Variants in MNAT1 observed in about 807,000 individuals in gnomAD.
The protein encoded by MNAT1 is MNAT1 component of CDK activating kinase.
In MNAT1, 43 loss-of-function variants were observed where a neutral mutation model predicts 42.0. The ratio of observed to expected loss-of-function variants is 1.02; its 90% confidence interval spans 0.80 to 1.32. The LOEUF (loss-of-function observed/expected upper bound fraction) is 1.32, where lower values mean the gene tolerates loss of function less well. Ranked by LOEUF, MNAT1 falls within the 40% of genes most tolerant of loss-of-function variation. The pLI, the probability that MNAT1 is intolerant of heterozygous loss-of-function variation, is 0.00. For missense variants in MNAT1, 306 were observed against 350.4 expected (o/e 0.87, Z 1.01); for synonymous variants, 118 against 120.0 (o/e 0.98, Z 0.11).
chr14:60,817,450 G>C (rs140938656), intron 5 of MNAT1, among the ~76,000 whole-genome samples: 399 of 151,848 alleles, frequency 2.6e-3, no homozygotes, highest in African/African-American at 9.1e-3. Flanking sequence ...AATAAAATTT[G>C]TGTTCTTCCA....
At chr14:60,966,511 T>C (rs983924637) in intron 7 of MNAT1, among the ~76,000 whole-genome samples, 1 of 151,786 alleles carries the variant, frequency 6.6e-6, no homozygotes, top group Admixed American at 6.6e-5. Context: ...TATTAAAACA[T>C]TCATTCATTA....
intron 7 of MNAT1, among the ~76,000 whole-genome samples, chr14:60,882,459 A>G (rs2034573104): frequency 6.6e-6 from 1 of 152,186 alleles, no homozygotes; most frequent in Non-Finnish European, 1.5e-5. Context: ...TATATGTACC[A>G]CATTTTCTTT....
At chr14:60,884,582 A>T (rs1044204467) in intron 7 of MNAT1, among the ~76,000 whole-genome samples, 2 of 152,138 alleles carry the variant, frequency 1.3e-5, no homozygotes, top group Non-Finnish European at 2.9e-5. Flanking sequence ...AATCAAAACT[A>T]GTAAAAACTC....
intron 1 of MNAT1, among the ~76,000 whole-genome samples, chr14:60,778,457 C>T (rs1163602489): frequency 6.6e-6 from 1 of 152,144 alleles, no homozygotes; most frequent in African/African-American, 2.4e-5. Context: ...CTGTACCTTC[C>T]CTCACCTTGG....
chr14:60,849,797 G>A (rs958951017), intron 6 of MNAT1, among the ~76,000 whole-genome samples: 7 of 151,706 alleles, frequency 4.6e-5, no homozygotes, highest in East Asian at 1.9e-4. Context: ...TTTTTTCTTC[G>A]GTAGGAGGTC....
intron 7 of MNAT1, among the ~76,000 whole-genome samples, chr14:60,958,252 A>C (rs1283450499): frequency 6.6e-6 from 1 of 152,188 alleles, no homozygotes; most frequent in Non-Finnish European, 1.5e-5. Flanking sequence ...TTTGTCTGGA[A>C]AAGTCTTTGT....
rs1370372784 is a variant in MNAT1, at chr14:60,734,855, A to T, written c.-8A>T. On this transcript the variant is annotated 5_prime_UTR_variant, in exon 1 of 8. Transcript: ENST00000261245. The surrounding 1 kb of genome is among the most constrained non-coding windows in gnomAD (Gnocchi z 4.3). ...GCGCCTGCGAGAGTCTGTAGGAGGG[A>T]AACCGCCATGGACGATCAGGGTTGC... is the stretch of plus-strand genomic sequence containing the variant. 2 of 1,613,748 alleles carry T rather than the reference A, an allele frequency of 1.2e-6. No individual in the cohort carries two copies. Among genetic ancestry groups the T allele is most frequent in the Non-Finnish European group, 1.7e-6 (2 of 1,179,854 alleles).
At position 60,894,348 on chromosome 14, in the gene MNAT1, G is replaced by GT. The variant is rs557059069; in HGVS notation, c.809+14516dup. Among the ~76,000 whole-genome samples the GT allele has an allele frequency of 7.5e-4, 114 of 151,720 alleles. 1 individual carries two copies. The highest frequency in any genetic ancestry group is 1.2e-3 in the Non-Finnish European group (84 of 67,926). ...CATTATTGCTGATTTTATTGGGTCT[G>GT]TTTCATGGAATATCCTCCTCATCTT... On this transcript the variant is annotated intron_variant, in intron 7 of 7. Coordinates refer to ENST00000261245, the MANE Select transcript of MNAT1 (RefSeq NM_002431.4).
At chr14:60,851,374 T>C (rs2033815965) in intron 6 of MNAT1, among the ~76,000 whole-genome samples, 1 of 152,194 alleles carries the variant, frequency 6.6e-6, no homozygotes, top group South Asian at 2.1e-4. Context: ...TTTATTGTGC[T>C]CTGCAGATAC....
intron 6 of MNAT1, among the ~76,000 whole-genome samples, chr14:60,857,945 G>T (rs2034002472): frequency 6.6e-6 from 1 of 152,116 alleles, no homozygotes; most frequent in South Asian, 2.1e-4. Context: ...TGGTGTATAT[G>T]TGCCACATTT....
chr14:60,741,658 G>GTTTTTTTTT (rs3049888), intron 1 of MNAT1, among the ~76,000 whole-genome samples: 3 of 92,022 alleles, frequency 3.3e-5, no homozygotes, highest in East Asian at 3.2e-4. Context: ...TGCGCCTGGG[G>GTTTTTTTTT]TTTTTTTTTT....
intron 6 of MNAT1, among the ~76,000 whole-genome samples, chr14:60,823,498 G>A (rs1258986937): frequency 6.6e-6 from 1 of 152,112 alleles, no homozygotes; most frequent in African/African-American, 2.4e-5. Flanking sequence ...TTCTCTGAGT[G>A]GTATTTAAGA....
chr14:60,800,480 C>T (rs558598232), intron 3 of MNAT1, among the ~76,000 whole-genome samples: 52 of 152,190 alleles, frequency 3.4e-4, no homozygotes, highest in African/African-American at 1.2e-3. Flanking sequence ...TCCAAGGCTA[C>T]AGTGAACCAT....
At chr14:60,888,125 G>GC (rs2034726600) in intron 7 of MNAT1, among the ~76,000 whole-genome samples, 1 of 145,162 alleles carries the variant, frequency 6.9e-6, no homozygotes. Context: ...TGATACCAAA[G>GC]CTGGGCAGAG....
Position 60,786,426 on chromosome 14 carries a change from C to T in MNAT1, c.90-9791C>T, listed in dbSNP as rs4151192. ...ATTATAAGCAATCTTTTATTGGTCA[C>T]ATGTAACAGTGGTTCTCAGACTTTT... On this transcript the variant is annotated intron_variant, in intron 1 of 7. Transcript: ENST00000261245. Among the ~76,000 whole-genome samples, 256 of 152,168 alleles carry T rather than the reference C, an allele frequency of 1.7e-3. 1 individual carries two copies. Among genetic ancestry groups the T allele is most frequent in the African/African-American group, 5.4e-3 (226 of 41,534 alleles).
intron 6 of MNAT1, among the ~76,000 whole-genome samples, chr14:60,853,742 G>GT (rs1454297222): frequency 6.6e-6 from 1 of 152,170 alleles, no homozygotes; most frequent in Admixed American, 6.5e-5. Context: ...TTTATTGAAA[G>GT]TTTTTAGCAT....
chr14:60,851,780 T>G (rs1224489591), intron 6 of MNAT1, among the ~76,000 whole-genome samples: 2 of 152,146 alleles, frequency 1.3e-5, no homozygotes, highest in African/African-American at 2.4e-5. Context: ...CCGCTCCCAC[T>G]TATGAGTGAG....
At chr14:60,965,086 A>G (rs1024027702) in intron 7 of MNAT1, among the ~76,000 whole-genome samples, 2 of 152,198 alleles carry the variant, frequency 1.3e-5, no homozygotes, top group Admixed American at 1.3e-4. Flanking sequence ...AGCAAAGTAA[A>G]TAAGCAGGAC....
rs2035230481 is a variant in MNAT1, at chr14:60,907,600, G to A, written c.809+27765G>A. Among the ~76,000 whole-genome samples the A allele has an allele frequency of 2.0e-5, 3 of 151,476 alleles. No individual in the cohort carries two copies. The South Asian group carries it at 6.3e-4, about 32-fold the overall frequency. ...GTTCAAGACCAGCCTGACCAGCATG[G>A]AAAAACCCTGTCTCTATTAAAAAAA... On this transcript the variant is annotated intron_variant, in intron 7 of 7. Coordinates refer to ENST00000261245, the MANE Select transcript of MNAT1 (RefSeq NM_002431.4).
Sources: allele counts gnomAD v4.1 joint callset (sites outside exome capture counted in the v4.1 genomes callset), GRCh38; gene constraint gnomAD v4.1.1; non-coding constraint Gnocchi (gnomAD v3.1); transcripts MANE v1.5; gene names NCBI Gene and HGNC (gene_info 2026-07-23, HGNC 2026-07-21).